Variants in VAC14 observed in about 807,000 individuals in gnomAD.
VAC14 encodes VAC14 component of PIKFYVE complex.
VAC14 carries 47 observed loss-of-function variants against 85.3 expected under a neutral mutation model. That is an observed-to-expected ratio of 0.55 (90% CI 0.44 to 0.70). VAC14 has a LOEUF of 0.70. Ranked by LOEUF, VAC14 falls within the 30% of genes least tolerant of loss-of-function variation. VAC14 has a pLI of 0.00. For synonymous variants in VAC14, 447 were observed against 430.5 expected, an observed-to-expected ratio of 1.04 and a Z score of -0.47; for missense variants, 861 against 1,004.3, an observed-to-expected ratio of 0.86 and a Z score of 1.93.
chr16:70,727,442 C>T (rs1414894338), intron 14 of VAC14, among the ~76,000 whole-genome samples: 5 of 152,300 alleles, frequency 3.3e-5, no homozygotes, highest in South Asian at 2.1e-4. Flanking sequence ...TGGGTTCAAG[C>T]GATCCTCCTG....
chr16:70,754,855 G>C (rs1009528913), intron 12 of VAC14, among the ~76,000 whole-genome samples: 7 of 152,310 alleles, frequency 4.6e-5, no homozygotes, highest in Middle Eastern at 3.4e-3. Flanking sequence ...AAATTGGAGG[G>C]AAGTGAACAC....
intron 12 of VAC14, among the ~76,000 whole-genome samples, chr16:70,758,481 G>A (rs1053313735): frequency 2.6e-5 from 4 of 152,226 alleles, no homozygotes; most frequent in African/African-American, 7.2e-5. Context: ...TGGAGACTGT[G>A]ATCACCCTGA....
intron 12 of VAC14, among the ~76,000 whole-genome samples, chr16:70,746,836 C>T (rs1487338198): frequency 1.3e-5 from 2 of 151,666 alleles, no homozygotes; most frequent in African/African-American, 2.4e-5. Context: ...CAAGCACGGC[C>T]AGGGAGGGGA....
At chr16:70,775,483 A>G (rs1235671235) in intron 9 of VAC14, among the ~76,000 whole-genome samples, 3 of 152,244 alleles carry the variant, frequency 2.0e-5, no homozygotes, top group African/African-American at 7.2e-5. Flanking sequence ...TGCGGGCCAT[A>G]GACCTTTTCT....
chr16:70,725,480 T>A (rs1210013658), intron 14 of VAC14, among the ~76,000 whole-genome samples: 1 of 152,156 alleles, frequency 6.6e-6, no homozygotes, highest in Non-Finnish European at 1.5e-5. Flanking sequence ...CAAGTCCAGT[T>A]TCTAGCGGCT....
intron 12 of VAC14, among the ~76,000 whole-genome samples, chr16:70,759,385 G>C (rs997469632): frequency 3.3e-5 from 5 of 152,174 alleles, no homozygotes; most frequent in Non-Finnish European, 5.9e-5. Context: ...CCAGCACTTC[G>C]GGAGGCCAAG....
At chr16:70,771,962 C>T in intron 10 of VAC14, 147 bp downstream of exon 10, 1 of 695,586 alleles carries the variant, frequency 1.4e-6, no homozygotes, top group South Asian at 1.8e-5. Flanking sequence ...ATTCCTTCAT[C>T]AATTAACTCT....
At chr16:70,694,151 C>T (rs2053658850) in intron 17 of VAC14, among the ~76,000 whole-genome samples, 1 of 152,250 alleles carries the variant, frequency 6.6e-6, no homozygotes, top group South Asian at 2.1e-4. Context: ...TCTCCTGTTA[C>T]CCTGCCCCAG....
chr16:70,718,530 C>G (rs1309833086), intron 14 of VAC14, among the ~76,000 whole-genome samples: 1 of 150,924 alleles, frequency 6.6e-6, no homozygotes, highest in Non-Finnish European at 1.5e-5. Flanking sequence ...GACAAGATTG[C>G]GCCACTGCAC....
chr16:70,726,128 A>T (rs927448403), intron 14 of VAC14, among the ~76,000 whole-genome samples: 5 of 152,242 alleles, frequency 3.3e-5, no homozygotes, highest in Non-Finnish European at 7.3e-5. Context: ...TTTATCAAAG[A>T]GGCTGGGTTT....
intron 13 of VAC14, among the ~76,000 whole-genome samples, chr16:70,735,653 CACCTCCAA>C (rs1379031164): frequency 6.6e-6 from 1 of 152,268 alleles, no homozygotes; most frequent in Non-Finnish European, 1.5e-5. Context: ...CCAAGAGCCA[CACCTCCAA>C]ACTGTAGCAT....
chr16:70,778,944 C>T (rs1283186236), intron 9 of VAC14: 3 of 152,184 alleles, frequency 2.0e-5, no homozygotes, highest in Admixed American at 6.5e-5. Flanking sequence ...AAAAAAAGCT[C>T]CTCCCTTTGA....
At chr16:70,722,906 C>T (rs1474520822) in intron 14 of VAC14, among the ~76,000 whole-genome samples, 2 of 152,036 alleles carry the variant, frequency 1.3e-5, no homozygotes, top group African/African-American at 2.4e-5. Context: ...ATAGTGAGAC[C>T]CCATCTCTAC....
rs969217724 is a variant in VAC14, at chr16:70,788,446, C to T, written c.105-2081G>A. 4.6e-5 allele frequency among the ~76,000 whole-genome samples: 7 copies of T among 152,290 alleles called. No homozygotes were observed. In the South Asian group the frequency reaches 6.2e-4, roughly 14 times the overall value. On this transcript the variant is annotated intron_variant, in intron 1 of 18. Transcript: ENST00000261776. Reference sequence around the variant, plus strand: ...TGGCCTGTGAGTTGCCCCTTGCTTTCGTCTTTATGGGACTGGGACTGTGGA... The same window carrying T: ...TGGCCTGTGAGTTGCCCCTTGCTTTTGTCTTTATGGGACTGGGACTGTGGA...
chr16:70,718,454 C>A (rs765080124), intron 14 of VAC14, among the ~76,000 whole-genome samples: 10 of 151,514 alleles, frequency 6.6e-5, no homozygotes, highest in Non-Finnish European at 1.2e-4. Context: ...CGCCTGTAGT[C>A]CCAACTACTC....
chr16:70,697,195 C>T lies in VAC14; in HGVS notation c.1899G>A (p.Val633=), dbSNP rs780293070. Residue 633 remains valine, a synonymous_variant, in exon 16 of 19, where the codon GTG becomes GTA. Transcript: ENST00000261776. ...RSWCHNPVTT[V]SLCFLTQNYR... is the part of the protein sequence containing the mutation. ...AGTTCTGGGTGAGGAAGCAGAGGGA[C>T]ACCGTGGTGACTGGGTTGTGGCACC... is the stretch of plus-strand genomic sequence containing the variant. 23 of 1,613,932 alleles carry T rather than the reference C, an allele frequency of 1.4e-5. No homozygotes were observed. The highest frequency in any genetic ancestry group is 3.4e-6 in the Non-Finnish European group (4 of 1,179,994).
intron 14 of VAC14, chr16:70,699,152 CT>C: frequency 4.0e-6 from 1 of 248,542 alleles, no homozygotes; most frequent in Non-Finnish European, 8.1e-6. Flanking sequence ...TCCCACATGT[CT>C]GAGCAATGGC....
intron 12 of VAC14, among the ~76,000 whole-genome samples, chr16:70,751,813 G>T (rs890115760): frequency 6.6e-5 from 10 of 152,322 alleles, no homozygotes; most frequent in African/African-American, 2.4e-4. Flanking sequence ...CTCCGCCCTG[G>T]ACACAAAGTA....
intron 1 of VAC14, among the ~76,000 whole-genome samples, chr16:70,799,019 C>A: frequency 6.6e-6 from 1 of 152,204 alleles, no homozygotes; most frequent in East Asian, 1.9e-4. Context: ...TGAACTCGAT[C>A]AAAGACAAAA....
Sources: gnomAD v4.1 joint callset for allele counts (sites outside exome capture counted in the v4.1 genomes callset) on GRCh38, gnomAD v4.1.1 for gene constraint, MANE v1.5 for transcripts, NCBI Gene and HGNC (gene_info 2026-07-23, HGNC 2026-07-21) for gene names.